Variants in SLC25A48 observed in about 807,000 individuals in gnomAD.
SLC25A48 encodes the protein CTC-321K16.1.
Under a neutral mutation model 32.2 loss-of-function variants are expected in SLC25A48, and 29 were observed. That is an observed-to-expected ratio of 0.90 (90% CI 0.67 to 1.23). SLC25A48 has a LOEUF of 1.23. Among genes scored for constraint, SLC25A48 ranks in the 50% most tolerant of loss-of-function variants. The pLI, the probability that SLC25A48 is intolerant of heterozygous loss-of-function variation, is 0.00. For synonymous variants in SLC25A48, 164 were observed against 172.3 expected (o/e 0.95, Z 0.38); for missense variants, 399 against 422.7 (o/e 0.94, Z 0.49).
intron 7 of SLC25A48, among the ~76,000 whole-genome samples, chr5:135,886,217 G>C (rs1030432048): frequency 6.6e-6 from 1 of 152,172 alleles, no homozygotes; most frequent in East Asian, 1.9e-4. Flanking sequence ...GCTCCCTGCT[G>C]GATACTTGTT....
intron 1 of SLC25A48, among the ~76,000 whole-genome samples, chr5:135,611,498 A>G (rs1752064624): frequency 1.2e-5 from 1 of 86,920 alleles, no homozygotes; most frequent in African/African-American, 5.6e-5. Context: ...CTCCATCTCA[A>G]AAAAAAAAAA....
At chr5:135,841,522 C>T (rs1371682783) in intron 1 of SLC25A48, among the ~76,000 whole-genome samples, 1 of 152,076 alleles carries the variant, frequency 6.6e-6, no homozygotes, top group African/African-American at 2.4e-5. Context: ...AAAAATAATA[C>T]AGATTTTATT....
At chr5:135,862,818 G>T (rs910025797) in intron 4 of SLC25A48, among the ~76,000 whole-genome samples, 1 of 152,200 alleles carries the variant, frequency 6.6e-6, no homozygotes, top group South Asian at 2.1e-4. Context: ...GCACAGACAA[G>T]CAATGCAGGG....
At chr5:135,795,896 G>A (rs761222644) in intron 3 of SLC25A48, among the ~76,000 whole-genome samples, 5 of 150,012 alleles carry the variant, frequency 3.3e-5, no homozygotes, top group Admixed American at 6.7e-5. Flanking sequence ...TATCCGTGGC[G>A]GGGGTGGGGG....
intron 3 of SLC25A48, among the ~76,000 whole-genome samples, chr5:135,796,482 C>A (rs967200366): frequency 1.3e-5 from 2 of 151,304 alleles, no homozygotes; most frequent in Non-Finnish European, 3.0e-5. Context: ...AGTGTACACA[C>A]CCCTGTGATA....
rs755363570 is a variant in SLC25A48, at chr5:135,852,815, C to T, written c.415C>T (p.Arg139Trp). The T allele has an allele frequency of 5.6e-6, 9 of 1,604,328 alleles. No homozygotes were observed. The highest frequency in any genetic ancestry group is 1.1e-5 in the South Asian group (1 of 90,754). ...GTTGCAGATGCAGACACAACCGTTTCGGGACGGTAAGAGGCCAGGGGAGCG... is the reference window on the plus strand; with the variant it reads ...GTTGCAGATGCAGACACAACCGTTTTGGGACGGTAAGAGGCCAGGGGAGCG... ...IRLQMQTQPF[R>W]DANLGLKSRA... The change falls in exon 4 of 8, where the codon CGG (arginine) becomes TGG (tryptophan). Residue 139 changes from arginine to tryptophan, a missense_variant. Coordinates refer to ENST00000681962, the MANE Select transcript of SLC25A48 (RefSeq NM_001349336.2).
chr5:135,793,641 T>A (rs1050848660), intron 3 of SLC25A48, among the ~76,000 whole-genome samples: 5 of 151,876 alleles, frequency 3.3e-5, no homozygotes, highest in Admixed American at 6.6e-5. Flanking sequence ...ATTACTCTCC[T>A]AATGTCACAG....
At chr5:135,810,623 T>C (rs577339268) in intron 3 of SLC25A48, among the ~76,000 whole-genome samples, 1 of 152,214 alleles carries the variant, frequency 6.6e-6, no homozygotes, top group Non-Finnish European at 1.5e-5. Flanking sequence ...CCTCTCTTTC[T>C]GCTCTGCCAC....
At chr5:135,631,934 T>C (rs1318505446) in intron 2 of SLC25A48, among the ~76,000 whole-genome samples, 1 of 152,200 alleles carries the variant, frequency 6.6e-6, no homozygotes, top group Non-Finnish European at 1.5e-5. Flanking sequence ...GCTTTTGAAG[T>C]CCAACCCAGG....
intron 1 of SLC25A48, chr5:135,601,187 C>G (rs1231384834): frequency 6.6e-6 from 1 of 152,254 alleles, no homozygotes; most frequent in Admixed American, 6.5e-5. Context: ...CGTGAGGCCA[C>G]TCCATCCATG....
chr5:135,680,342 G>A (rs1753865396), intron 3 of SLC25A48, among the ~76,000 whole-genome samples: 1 of 152,090 alleles, frequency 6.6e-6, no homozygotes, highest in Non-Finnish European at 1.5e-5. Flanking sequence ...CAGATCCTTT[G>A]CATTTTCATG....
chr5:135,775,907 T>C (rs1052630996), intron 3 of SLC25A48, among the ~76,000 whole-genome samples: 2 of 151,686 alleles, frequency 1.3e-5, no homozygotes, highest in Non-Finnish European at 2.9e-5. Flanking sequence ...TTACGATCAA[T>C]ATCCCCAAAA....
intron 3 of SLC25A48, among the ~76,000 whole-genome samples, chr5:135,749,305 A>G (rs901726932): frequency 6.6e-5 from 10 of 151,778 alleles, no homozygotes; most frequent in Admixed American, 2.6e-4. Context: ...ACCCCAAGAA[A>G]ATGAAGTAAA....
chr5:135,724,080 C>T (rs191594110), intron 3 of SLC25A48, among the ~76,000 whole-genome samples: 25 of 152,294 alleles, frequency 1.6e-4, no homozygotes, highest in Non-Finnish European at 3.1e-4. Flanking sequence ...GCAGCACAAC[C>T]AGAGACTGTC....
Position 135,880,054 on chromosome 5 carries a change from G to A in SLC25A48, c.900G>A (p.Gln300=), listed in dbSNP as rs948741488. 1 of 1,536,188 alleles carries A rather than the reference G, an allele frequency of 6.5e-7. No homozygotes were observed. The highest frequency in any genetic ancestry group is 8.7e-7 in the Non-Finnish European group (1 of 1,146,908). Residue 300 remains glutamine (Q), a synonymous_variant, in exon 7 of 8, where the codon CAG becomes CAA. Coordinates refer to ENST00000681962, the MANE Select transcript of SLC25A48 (RefSeq NM_001349336.2). ...TCCTTGGGTACGAGCTGTCGCTGCA[G>A]GCTATCCGCGGGGACCACGCAGTGA... ...AMFLGYELSL[Q]AIRGDHAVTS...
intron 3 of SLC25A48, among the ~76,000 whole-genome samples, chr5:135,762,712 CGTGT>C (rs1041806906): frequency 2.6e-5 from 4 of 151,664 alleles, no homozygotes; most frequent in East Asian, 1.9e-4. Flanking sequence ...TGAGTGTGTG[CGTGT>C]GTAAGTTGAA....
At chr5:135,789,078 GAA>G (rs1756939954) in intron 3 of SLC25A48, among the ~76,000 whole-genome samples, 1 of 138,636 alleles carries the variant, frequency 7.2e-6, no homozygotes. Flanking sequence ...TAATATCCGA[GAA>G]GAGAGAGAGA....
At chr5:135,714,100 T>C (rs890052515) in intron 3 of SLC25A48, among the ~76,000 whole-genome samples, 3 of 152,034 alleles carry the variant, frequency 2.0e-5, no homozygotes, top group African/African-American at 7.2e-5. Context: ...ACCCCTACCA[T>C]TCCCTGGGGG....
chr5:135,756,456 C>T (rs1755909071), intron 3 of SLC25A48, among the ~76,000 whole-genome samples: 1 of 151,846 alleles, frequency 6.6e-6, no homozygotes. Context: ...GGTGGATCAC[C>T]TGGGGTCAGG....
Sources: gnomAD v4.1 joint callset for allele counts (sites outside exome capture counted in the v4.1 genomes callset) on GRCh38, gnomAD v4.1.1 for gene constraint, MANE v1.5 for transcripts, NCBI Gene and HGNC (gene_info 2026-07-23, HGNC 2026-07-21) for gene names.